LARGE1: variants seen among roughly 807,000 people sequenced by gnomAD.
The protein encoded by LARGE1 is LARGE xylosyl- and glucuronyltransferase 1.
Under a neutral mutation model 87.6 loss-of-function variants are expected in LARGE1, and 43 were observed. That is an observed-to-expected ratio of 0.49 (90% CI 0.38 to 0.63). LARGE1 has a LOEUF of 0.63. LARGE1 is among the 30% of genes least tolerant of loss of function. The pLI is 0.00. For synonymous variants in LARGE1, 434 were observed against 394.6 expected, an observed-to-expected ratio of 1.10 and a Z score of -1.18; for missense variants, 802 against 1,000.2, an observed-to-expected ratio of 0.80 and a Z score of 2.67.
chr22:33,186,062 A>G (rs1390270057), intron 11 of LARGE1, among the ~76,000 whole-genome samples: 1 of 152,152 alleles, frequency 6.6e-6, no homozygotes, highest in Non-Finnish European at 1.5e-5. Flanking sequence ...CTACAAAAAA[A>G]TTCTAGGCAT....
chr22:33,763,128 G>C (rs938878868), intron 1 of LARGE1, among the ~76,000 whole-genome samples: 1 of 152,170 alleles, frequency 6.6e-6, no homozygotes, highest in Non-Finnish European at 1.5e-5. Flanking sequence ...GATCCACCTT[G>C]CATTCTTTAA....
chr22:33,293,576 C>CT (rs554899901), intron 12 of LARGE1, among the ~76,000 whole-genome samples: 350 of 152,234 alleles, frequency 2.3e-3, no homozygotes, highest in African/African-American at 8.3e-3. Flanking sequence ...AAATGAACTT[C>CT]TTTGAGTTCA....
chr22:33,434,732 A>T (rs1278311506), intron 6 of LARGE1, among the ~76,000 whole-genome samples: 1 of 152,154 alleles, frequency 6.6e-6, no homozygotes, highest in East Asian at 1.9e-4. Context: ...TCTTCAGACA[A>T]ATACTCTACG....
chr22:33,566,497 G>A (rs977097043), intron 5 of LARGE1, among the ~76,000 whole-genome samples: 3 of 152,166 alleles, frequency 2.0e-5, no homozygotes, highest in East Asian at 1.9e-4. Flanking sequence ...TCTTGGTCTC[G>A]CTGACTTCAA....
intron 9 of LARGE1, among the ~76,000 whole-genome samples, chr22:33,378,075 C>G (rs1446132479): frequency 6.6e-6 from 1 of 152,136 alleles, no homozygotes; most frequent in African/African-American, 2.4e-5. Flanking sequence ...CTCAGGGTAG[C>G]TTACTTCCTT....
intron 6 of LARGE1, among the ~76,000 whole-genome samples, chr22:33,536,361 C>A (rs1238623913): frequency 2.0e-5 from 3 of 152,202 alleles, no homozygotes; most frequent in Non-Finnish European, 4.4e-5. Flanking sequence ...CTACAAATGG[C>A]CTTCTGTATG....
chr22:33,671,567 A>G (rs2081413905), intron 2 of LARGE1, among the ~76,000 whole-genome samples: 1 of 152,226 alleles, frequency 6.6e-6, no homozygotes. Context: ...TATGCTAGAT[A>G]GAGCTAGAAC....
intron 11 of LARGE1, among the ~76,000 whole-genome samples, chr22:33,202,147 C>G (rs151319821): frequency 6.6e-6 from 1 of 151,468 alleles, no homozygotes; most frequent in Non-Finnish European, 1.5e-5. Flanking sequence ...TGCTGAGAAA[C>G]GTAACAATTG....
At chr22:33,791,464 C>T (rs2085822612) in intron 1 of LARGE1, among the ~76,000 whole-genome samples, 1 of 152,114 alleles carries the variant, frequency 6.6e-6, no homozygotes, top group Non-Finnish European at 1.5e-5. Context: ...TTTCTGTTTG[C>T]AAAGGAAGAA....
At chr22:33,510,456 T>A (rs2071002458) in intron 6 of LARGE1, among the ~76,000 whole-genome samples, 1 of 152,212 alleles carries the variant, frequency 6.6e-6, no homozygotes, top group Admixed American at 6.5e-5. Context: ...AGGCTGCCTG[T>A]CTCCAGAGGA....
downstream of LARGE1, among the ~76,000 whole-genome samples, chr22:33,268,024 C>T (rs565586891): frequency 2.7e-4 from 41 of 150,878 alleles, 1 homozygote; most frequent in African/African-American, 7.9e-4. Context: ...GGCGCGATCT[C>T]GGCTCACTGC....
chr22:33,512,704 G>A (rs1371143187), intron 6 of LARGE1, among the ~76,000 whole-genome samples: 3 of 152,224 alleles, frequency 2.0e-5, no homozygotes, highest in African/African-American at 7.2e-5. Flanking sequence ...TCGGGAGGCT[G>A]AGGCAGGATA....
At chr22:33,896,106 G>C (rs1248867559) in intron 1 of LARGE1, among the ~76,000 whole-genome samples, 1 of 152,062 alleles carries the variant, frequency 6.6e-6, no homozygotes, top group Non-Finnish European at 1.5e-5. Flanking sequence ...CCTTCCCCTA[G>C]TCCCTGGAAA....
chr22:33,595,505 A>C (rs1298110542), intron 5 of LARGE1, among the ~76,000 whole-genome samples: 2 of 152,232 alleles, frequency 1.3e-5, no homozygotes, highest in Admixed American at 1.3e-4. Flanking sequence ...CATTTAAGCA[A>C]GTCAGCAACC....
chr22:33,104,489 T>A, the LARGE1 span, among the ~76,000 whole-genome samples: 1 of 152,062 alleles, frequency 6.6e-6, no homozygotes, highest in African/African-American at 2.4e-5. Context: ...ATTGGAGAGA[T>A]GGGGTACATG....
At chr22:33,812,267 AT>A (rs2086519656) in intron 1 of LARGE1, among the ~76,000 whole-genome samples, 1 of 152,214 alleles carries the variant, frequency 6.6e-6, no homozygotes, top group East Asian at 1.9e-4. Context: ...GCTCTAAAAC[AT>A]ATTGGGAATT....
intron 2 of LARGE1, among the ~76,000 whole-genome samples, chr22:33,750,344 G>A (rs1014798751): frequency 6.6e-6 from 1 of 152,142 alleles, no homozygotes; most frequent in Non-Finnish European, 1.5e-5. Context: ...TTTAGGGAAA[G>A]CCAAAAATCA....
intron 2 of LARGE1, chr22:33,737,910 T>C (rs2283934): frequency 0.34 from 51,507 of 151,914 alleles, 11,459 homozygotes; most frequent in African/African-American, 0.65. Flanking sequence ...GGGGAAAAAC[T>C]CTGCACAAGC....
intron 6 of LARGE1, among the ~76,000 whole-genome samples, chr22:33,454,616 TA>T (rs563852024): frequency 0.18 from 19,739 of 111,406 alleles, 1,529 homozygotes; most frequent in East Asian, 0.29. Flanking sequence ...AGACTCTGTC[TA>T]AAAAAAAAAA....
Sources: allele counts gnomAD v4.1 joint callset (sites outside exome capture counted in the v4.1 genomes callset), GRCh38; gene constraint gnomAD v4.1.1; transcripts MANE v1.5; gene names NCBI Gene and HGNC (gene_info 2026-07-23, HGNC 2026-07-21).